CUEDC1: variants seen among roughly 807,000 people sequenced by gnomAD.
CUEDC1 encodes CUE domain containing 1.
CUEDC1 carries 30 observed loss-of-function variants against 43.7 expected under a neutral mutation model. The ratio of observed to expected loss-of-function variants is 0.69; its 90% CI spans 0.51 to 0.93. CUEDC1 has a LOEUF of 0.93. Among genes scored for constraint, CUEDC1 ranks in the 40% least tolerant of loss-of-function variants. The pLI, the probability that CUEDC1 is intolerant of heterozygous loss-of-function variation, is 0.00. For missense variants in CUEDC1, 486 were observed against 549.0 expected, an observed-to-expected ratio of 0.89 and a Z score of 1.15; for synonymous variants, 223 against 223.6, an observed-to-expected ratio of 1.00 and a Z score of 0.02.
intron 1 of CUEDC1, among the ~76,000 whole-genome samples, chr17:57,927,223 G>C (rs2074756344): frequency 6.6e-6 from 1 of 152,100 alleles, no homozygotes; most frequent in South Asian, 2.1e-4. Flanking sequence ...AGGGCATCCA[G>C]GGGCAGGCGG....
Position 57,942,694 on chromosome 17 carries a change from G to A in CUEDC1, c.-316+12531C>T, listed in dbSNP as rs189980870. ...GTGAGCCACCACACCCGGCCAAATT[G>A]TCTAGTTTTATGAGATGAATTTTTA... On this transcript the variant is annotated intron_variant, in intron 1 of 10. Coordinates refer to ENST00000577830, the MANE Select transcript of CUEDC1 (RefSeq NM_001271875.2). Among the ~76,000 whole-genome samples, 183 of 151,684 alleles carry A rather than the reference G, an allele frequency of 1.2e-3. 2 individuals are homozygous for A. The highest frequency in any genetic ancestry group is 3.4e-3 in the Middle Eastern group (1 of 294).
At chr17:57,932,196 C>G (rs28640043) in intron 1 of CUEDC1, among the ~76,000 whole-genome samples, 1 of 150,878 alleles carries the variant, frequency 6.6e-6, no homozygotes, top group African/African-American at 2.5e-5. Context: ...GCACAAGAAT[C>G]TCTTGAACCC....
At chr17:57,935,864 G>A (rs1257074915) in intron 1 of CUEDC1, among the ~76,000 whole-genome samples, 1 of 152,114 alleles carries the variant, frequency 6.6e-6, no homozygotes, top group Non-Finnish European at 1.5e-5. Context: ...AGTCCCCCAA[G>A]CTGAAAACAT....
chr17:57,954,970 C>G lies in CUEDC1; in HGVS notation c.-316+255G>C, dbSNP rs866196758. Among the ~76,000 whole-genome samples the G allele has an allele frequency of 4.0e-5, 6 of 151,748 alleles. No individual in the cohort carries two copies. In the South Asian group the frequency reaches 8.3e-4, roughly 21 times the overall value. On this transcript the variant is annotated intron_variant, in intron 1 of 10. Coordinates refer to ENST00000577830, the MANE Select transcript of CUEDC1 (RefSeq NM_001271875.2). This position sits in a 1 kb window ranked among gnomAD's most constrained non-coding sequence, Gnocchi z 4.3. Reference sequence around the variant, plus strand: ...CAGATGCCCGCACGCCCCCCGCGCCCGGGGCCCGGGATGAGGTGGGGGCTC... The same window carrying G: ...CAGATGCCCGCACGCCCCCCGCGCCGGGGGCCCGGGATGAGGTGGGGGCTC...
In CUEDC1 at chr17:57,922,881, T is replaced by C. The variant is rs561561204; in HGVS notation, c.-316+32344A>G. ...ACCCAGGGAATTTCTCCCTCTCTCT[T>C]TTTTTTTTTTTTTAAATAGGGTCTT... On this transcript the variant is annotated intron_variant, in intron 1 of 10. Coordinates refer to ENST00000577830, the MANE Select transcript of CUEDC1 (RefSeq NM_001271875.2). Among the ~76,000 whole-genome samples, 13 of 90,652 alleles carry C rather than the reference T, an allele frequency of 1.4e-4. No homozygotes were observed. The South Asian group carries it at 2.1e-3, about 15-fold the overall frequency. 59.5% of individuals were successfully genotyped at this position (90,652 alleles called of 152,430 possible).
chr17:57,899,529 C>T (rs897621055), intron 1 of CUEDC1, among the ~76,000 whole-genome samples: 11 of 152,282 alleles, frequency 7.2e-5, no homozygotes, highest in African/African-American at 2.4e-4. Flanking sequence ...GAACCCAGAT[C>T]GTGAGACTCC....
chr17:57,900,632 C>T (rs1029869960), intron 1 of CUEDC1, among the ~76,000 whole-genome samples: 1 of 152,208 alleles, frequency 6.6e-6, no homozygotes, highest in Non-Finnish European at 1.5e-5. Context: ...AGGTTATTAC[C>T]TTCCACCATC....
intron 1 of CUEDC1, among the ~76,000 whole-genome samples, chr17:57,888,105 G>C (rs1234674374): frequency 1.3e-5 from 2 of 151,682 alleles, no homozygotes; most frequent in Non-Finnish European, 2.9e-5. Flanking sequence ...GTTTTACCAT[G>C]TTGGCCAGGC....
Position 57,871,367 on chromosome 17 carries a change from G to C in CUEDC1, c.787C>G (p.Arg263Gly). ...RDFLLALERD[R>G]LKYESQKSKS... ...GATTTCTGGGATTCGTATTTCAATC[G>C]ATCTGGAAAAGGACCACATTCACAG... Residue 263 changes from arginine to glycine, a missense_variant and splice_region_variant, in exon 6 of 11, where the codon CGA (arginine) becomes GGA (glycine). Transcript: ENST00000577830. 4 of 1,613,374 alleles carry C rather than the reference G, an allele frequency of 2.5e-6. No individual in the cohort carries two copies. Among genetic ancestry groups the C allele is most frequent in the Non-Finnish European group, 2.5e-6 (3 of 1,179,682 alleles).
chr17:57,934,777 G>A lies in CUEDC1; in HGVS notation c.-316+20448C>T, dbSNP rs569130236. ...GGCTGGCATGCAGTGGCGTGATTTC[G>A]GCTCACTGCAGCCTCTACCTCCCAG... On this transcript the variant is annotated intron_variant, in intron 1 of 10. Coordinates refer to ENST00000577830, the MANE Select transcript of CUEDC1 (RefSeq NM_001271875.2). Among the ~76,000 whole-genome samples, 6 of 152,110 alleles carry A rather than the reference G, an allele frequency of 3.9e-5. No homozygotes were observed. In the South Asian group the frequency reaches 1.0e-3, roughly 26 times the overall value.
rs1455945648 is a variant in CUEDC1, at chr17:57,954,992, G to A, written c.-316+233C>T. Among the ~76,000 whole-genome samples, 2 of 151,576 alleles carry A rather than the reference G, an allele frequency of 1.3e-5. No individual in the cohort carries two copies. The highest frequency in any genetic ancestry group is 3.0e-5 in the Non-Finnish European group (2 of 67,772). ...GCCCGGGGCCCGGGATGAGGTGGGG[G>A]CTCGGGAAGGAAGGGCGGGCGGGGA... On this transcript the variant is annotated intron_variant, in intron 1 of 10. Transcript: ENST00000577830. The surrounding 1 kb of genome is among the most constrained non-coding windows in gnomAD (Gnocchi z 4.3).
At chr17:57,864,304 T>C (rs2073924498) in intron 10 of CUEDC1, among the ~76,000 whole-genome samples, 1 of 151,094 alleles carries the variant, frequency 6.6e-6, no homozygotes, top group Non-Finnish European at 1.5e-5. Flanking sequence ...GCGATGGAGA[T>C]TCAGATGTAG....
intron 1 of CUEDC1, among the ~76,000 whole-genome samples, chr17:57,897,413 G>T (rs1386176406): frequency 6.6e-6 from 1 of 152,138 alleles, no homozygotes; most frequent in Non-Finnish European, 1.5e-5. Flanking sequence ...GCTCACGCCT[G>T]TAATCCCAGC....
chr17:57,954,981 A>T lies in CUEDC1; in HGVS notation c.-316+244T>A, dbSNP rs2075042901. On this transcript the variant is annotated intron_variant, in intron 1 of 10. Coordinates refer to ENST00000577830, the MANE Select transcript of CUEDC1 (RefSeq NM_001271875.2). This position sits in a 1 kb window ranked among gnomAD's most constrained non-coding sequence, Gnocchi z 4.3. The stretch of plus-strand genomic sequence containing the variant: ...ACGCCCCCCGCGCCCGGGGCCCGGG[A>T]TGAGGTGGGGGCTCGGGAAGGAAGG... 1.3e-5 allele frequency among the ~76,000 whole-genome samples: 2 copies of T among 150,434 alleles called. No homozygotes were observed. Among genetic ancestry groups the T allele is most frequent in the African/African-American group, 4.9e-5 (2 of 40,968 alleles).
intron 3 of CUEDC1, among the ~76,000 whole-genome samples, chr17:57,874,029 C>T (rs773458943): frequency 4.1e-4 from 63 of 152,296 alleles, no homozygotes; most frequent in Non-Finnish European, 8.2e-4. Context: ...TACAAATGTC[C>T]CCTAAAGACA....
At chr17:57,948,594 G>C (rs536392804) in intron 1 of CUEDC1, among the ~76,000 whole-genome samples, 1 of 152,164 alleles carries the variant, frequency 6.6e-6, no homozygotes, top group African/African-American at 2.4e-5. Context: ...TCCGATCACC[G>C]AGCTGACATG....
chr17:57,932,146 G>A lies in CUEDC1; in HGVS notation c.-316+23079C>T, dbSNP rs146966070. Among the ~76,000 whole-genome samples, 195 of 152,010 alleles carry A rather than the reference G, an allele frequency of 1.3e-3. 2 individuals carry two copies. Among genetic ancestry groups the A allele is most frequent in the African/African-American group, 4.4e-3 (183 of 41,394 alleles). On this transcript the variant is annotated intron_variant, in intron 1 of 10. Coordinates refer to ENST00000577830, the MANE Select transcript of CUEDC1 (RefSeq NM_001271875.2). ...CACACACACAAAATAGCTGGGTGTC[G>A]TGGTACATGCCTGTAATCCCAGCTA...
chr17:57,878,988 A>G (rs530269114), intron 3 of CUEDC1, among the ~76,000 whole-genome samples: 94 of 152,200 alleles, frequency 6.2e-4, no homozygotes, highest in African/African-American at 2.2e-3. Flanking sequence ...TAAGCTTCCA[A>G]ATTACAGAGT....
chr17:57,950,383 G>A (rs565857981), intron 1 of CUEDC1, among the ~76,000 whole-genome samples: 1 of 152,202 alleles, frequency 6.6e-6, no homozygotes, highest in South Asian at 2.1e-4. Context: ...CAACTCCTGA[G>A]CTCAGGCAAT....
Sources: gnomAD v4.1 joint callset for allele counts (sites outside exome capture counted in the v4.1 genomes callset) on GRCh38, gnomAD v4.1.1 for gene constraint, Gnocchi (gnomAD v3.1) non-coding constraint, MANE v1.5 for transcripts, NCBI Gene and HGNC (gene_info 2026-07-23, HGNC 2026-07-21) for gene names.